TOM1: variants seen among roughly 807,000 people sequenced by gnomAD.
TOM1 encodes target of Myb protein 1.
TOM1 carries 38 observed loss-of-function variants against 61.3 expected under a neutral mutation model. The ratio of observed to expected loss-of-function variants is 0.62; its 90% CI spans 0.48 to 0.81. The LOEUF is 0.81. Among genes scored for constraint, TOM1 ranks in the 40% least tolerant of loss-of-function variants. The probability of loss-of-function intolerance (pLI) is 0.00; values close to 1 mark genes in which losing one functional copy is unlikely to be tolerated. For synonymous variants in TOM1, 270 were observed against 268.8 expected, an observed-to-expected ratio of 1.00 and a Z score of -0.04; for missense variants, 591 against 659.6, an observed-to-expected ratio of 0.90 and a Z score of 1.14.
intron 7 of TOM1, among the ~76,000 whole-genome samples, chr22:35,329,031 C>T (rs1416982186): frequency 1.3e-5 from 2 of 152,180 alleles, no homozygotes. Flanking sequence ...TCTCGGCTCA[C>T]CGCAGCCTCT....
At chr22:35,300,482 C>T (rs1026508926) in intron 1 of TOM1, among the ~76,000 whole-genome samples, 1 of 152,202 alleles carries the variant, frequency 6.6e-6, no homozygotes, top group Non-Finnish European at 1.5e-5. Flanking sequence ...AGGGGCCCAG[C>T]GCCGGACAGC....
chr22:35,336,388 C>T (rs1218759951), intron 11 of TOM1, among the ~76,000 whole-genome samples: 3 of 152,162 alleles, frequency 2.0e-5, no homozygotes, highest in African/African-American at 7.2e-5. Context: ...TGCCTGGCTC[C>T]CCACTTCACA....
At position 35,311,965 on chromosome 22, in the gene TOM1, G is replaced by A. The variant is rs115820010; in HGVS notation, c.53-5912G>A. 3.3e-3 allele frequency among the ~76,000 whole-genome samples: 496 copies of A among 152,250 alleles called. 4 individuals carry two copies. Among genetic ancestry groups the A allele is most frequent in the African/African-American group, 0.011 (474 of 41,548 alleles). Reference sequence around the variant, plus strand: ...CCCTGGGTGGGGCTTAGAAGATGAGGGGAGTTCGGCTGGGCACGGTGGCTC... The same window carrying A: ...CCCTGGGTGGGGCTTAGAAGATGAGAGGAGTTCGGCTGGGCACGGTGGCTC... On this transcript the variant is annotated intron_variant, in intron 1 of 14. Transcript: ENST00000449058.
chr22:35,314,849 A>G lies in TOM1; in HGVS notation c.53-3028A>G, dbSNP rs780241918. Among the ~76,000 whole-genome samples, 49 of 152,220 alleles carry G rather than the reference A, an allele frequency of 3.2e-4. 1 individual carries two copies. Among genetic ancestry groups the G allele is most frequent in the Admixed American group, 1.7e-3 (26 of 15,290 alleles). On this transcript the variant is annotated intron_variant, in intron 1 of 14. Transcript: ENST00000449058. ...GCCCTTACCTCTGTGTGCCCTTTGC[A>G]AGTTGGTGATCTCTCTGTGCTTCAG...
chr22:35,315,611 G>A (rs757860202), intron 1 of TOM1, among the ~76,000 whole-genome samples: 3 of 152,194 alleles, frequency 2.0e-5, no homozygotes, highest in Non-Finnish European at 4.4e-5. Context: ...GCCTGATCTA[G>A]GGGTAAAGCA....
At chr22:35,346,809 A>G (rs1418852662) in intron 13 of TOM1, 121 bp from the exon 14 acceptor site, 1 of 939,978 alleles carries the variant, frequency 1.1e-6, no homozygotes, top group Admixed American at 2.1e-5. Context: ...GGGGGCGTGC[A>G]GAGCCTGAGC....
chr22:35,323,560 T>A lies in TOM1; in HGVS notation c.431T>A (p.Leu144Gln). The A allele has an allele frequency of 1.2e-6, 2 of 1,614,100 alleles. No homozygotes were observed. The highest frequency in any genetic ancestry group is 1.7e-6 in the Non-Finnish European group (2 of 1,180,030). The stretch of plus-strand genomic sequence containing the variant: ...GGTGTGGTCACCATCTATGAGGACC[T>A]GCGGAGGAAAGGCCTGGAGTTCCCC... ...LTGVVTIYEDLRRKGLEFPMT... is the reference protein window; with the variant it reads ...LTGVVTIYEDQRRKGLEFPMT... The change falls in exon 5 of 15, where the codon CTG (leucine) becomes CAG (glutamine). Residue 144 changes from leucine (L) to glutamine (Q), a missense_variant. Physicochemically the swap from Leu to Gln is moderately radical, Grantham distance 113. Coordinates refer to ENST00000449058, the MANE Select transcript of TOM1 (RefSeq NM_005488.3). The surrounding 1 kb of genome is among the most constrained non-coding windows in gnomAD (Gnocchi z 4.2).
chr22:35,334,063 C>CCTCCTG (rs1929070413), intron 10 of TOM1, among the ~76,000 whole-genome samples: 1 of 152,218 alleles, frequency 6.6e-6, no homozygotes, highest in African/African-American at 2.4e-5. Context: ...CCAGCCACTT[C>CCTCCTG]CCCAGCAGAA....
At chr22:35,335,823 A>G (rs758847495) in intron 11 of TOM1, 47 of 154,836 alleles carry the variant, frequency 3.0e-4, no homozygotes, top group African/African-American at 1.0e-3. Flanking sequence ...CAGAGGAGGG[A>G]GCATGCAACT....
chr22:35,299,630 C>G (rs1299806756), upstream of TOM1: 1 of 450,226 alleles, frequency 2.2e-6, no homozygotes, highest in Non-Finnish European at 4.0e-6. Flanking sequence ...TCCTTTAGAC[C>G]TCGCCCTAAA....
At chr22:35,326,489 C>A (rs997221350) in intron 6 of TOM1, among the ~76,000 whole-genome samples, 1 of 152,196 alleles carries the variant, frequency 6.6e-6, no homozygotes, top group Admixed American at 6.5e-5. Flanking sequence ...TGCCCACATC[C>A]CTTGGAACAA....
intron 8 of TOM1, chr22:35,331,524 C>G (rs1034089519): frequency 3.1e-6 from 1 of 321,546 alleles, no homozygotes; most frequent in Non-Finnish European, 6.2e-6. Context: ...TGATGGCAGC[C>G]CCACCGGGAT....
chr22:35,307,874 G>A (rs1360873109), intron 1 of TOM1, among the ~76,000 whole-genome samples: 1 of 152,206 alleles, frequency 6.6e-6, no homozygotes, highest in Admixed American at 6.5e-5. Context: ...GTGTCAACTT[G>A]GCTAGGCCAG....
rs139553640 is a variant in TOM1, at chr22:35,301,048, C to CAAAAAA, written c.52+1084_52+1089dup. On this transcript the variant is annotated intron_variant, in intron 1 of 14. Coordinates refer to ENST00000449058, the MANE Select transcript of TOM1 (RefSeq NM_005488.3). Reference sequence around the variant, plus strand: ...GCAACATGGCGAGACCCCGTCTCTACAAAAAAAAAAAAAAAAAAAAATACA... The same window carrying CAAAAAA: ...GCAACATGGCGAGACCCCGTCTCTACAAAAAAAAAAAAAAAAAAAAAAAAAAATACA... Among the ~76,000 whole-genome samples the CAAAAAA allele has an allele frequency of 3.4e-3, 380 of 111,190 alleles. 7 individuals are homozygous for CAAAAAA. Among genetic ancestry groups the CAAAAAA allele is most frequent in the African/African-American group, 0.015 (352 of 23,964 alleles). 72.9% of individuals were successfully genotyped at this position (111,190 alleles called of 152,430 possible). A position where few individuals can be genotyped will look rare whatever the true frequency, so the allele number is the denominator to read the frequency against.
intron 1 of TOM1, among the ~76,000 whole-genome samples, chr22:35,301,033 G>A (rs1381654490): frequency 2.1e-5 from 3 of 140,394 alleles, no homozygotes; most frequent in African/African-American, 8.3e-5. Context: ...GCAACATGGC[G>A]AGACCCCGTC....
intron 7 of TOM1, among the ~76,000 whole-genome samples, chr22:35,329,091 G>A (rs1008400795): frequency 2.0e-5 from 3 of 152,166 alleles, no homozygotes; most frequent in African/African-American, 7.2e-5. Context: ...AAGCAGCTGG[G>A]ATTATAGGCA....
intron 1 of TOM1, among the ~76,000 whole-genome samples, chr22:35,312,153 A>T (rs2145625180): frequency 6.6e-6 from 1 of 152,058 alleles, no homozygotes; most frequent in Non-Finnish European, 1.5e-5. Context: ...GCTGAGGCAG[A>T]GAATTGCTTA....
Position 35,330,336 on chromosome 22 carries a change from T to C in TOM1, c.766-11T>C. ...ATGTGACTGTGGTTGCCTCACTTCC[T>C]TTCCTGGCAGGAGCTCAACCGCACG... On this transcript the variant is annotated splice_polypyrimidine_tract_variant and intron_variant, in intron 7 of 14. Transcript: ENST00000449058. 2 of 1,604,936 alleles carry C rather than the reference T, an allele frequency of 1.2e-6. No homozygotes were observed. Among genetic ancestry groups the C allele is most frequent in the Non-Finnish European group, 8.5e-7 (1 of 1,177,100 alleles).
At chr22:35,343,419 CCACA>C (rs776530727) in intron 12 of TOM1, among the ~76,000 whole-genome samples, 5 of 148,210 alleles carry the variant, frequency 3.4e-5, no homozygotes, top group South Asian at 2.2e-4. Context: ...CCTACACACA[CCACA>C]CACACATATC....
Sources: allele counts gnomAD v4.1 joint callset (sites outside exome capture counted in the v4.1 genomes callset), GRCh38; gene constraint gnomAD v4.1.1; non-coding constraint Gnocchi (gnomAD v3.1); transcripts MANE v1.5; gene names NCBI Gene and HGNC (gene_info 2026-07-23, HGNC 2026-07-21).